ZNF385D: variants seen among roughly 807,000 people sequenced by gnomAD.
The protein encoded by ZNF385D is zinc finger protein 659.
In ZNF385D, 15 loss-of-function variants were observed where a neutral mutation model predicts 35.8. The ratio of observed to expected loss-of-function variants is 0.42; its 90% CI spans 0.28 to 0.64. ZNF385D has a LOEUF of 0.64. ZNF385D is among the 30% of genes least tolerant of loss of function. The pLI, the probability that ZNF385D is intolerant of heterozygous loss-of-function variation, is 0.23. For missense variants in ZNF385D, 474 were observed against 494.6 expected (o/e 0.96, Z 0.39); for synonymous variants, 212 against 186.8 (o/e 1.13, Z -1.10).
intron 1 of ZNF385D, among the ~76,000 whole-genome samples, chr3:21,742,713 CTCTT>C (rs2069578050): frequency 2.6e-5 from 4 of 152,170 alleles, no homozygotes; most frequent in African/African-American, 4.8e-5. Flanking sequence ...TCAGGAGTCT[CTCTT>C]GTGTTTCCAT....
At chr3:22,320,153 GTCTTAGAGAAAACCCGTGTGTTCATC>G (rs1370632407) in intron 2 of ZNF385D, among the ~76,000 whole-genome samples, 1 of 151,572 alleles carries the variant, frequency 6.6e-6, no homozygotes, top group Non-Finnish European at 1.5e-5. Flanking sequence ...CACCAATAAG[GTCTTAGAGAAAACCCGTGTGTTCATC>G]TCCCACCCTA....
intron 3 of ZNF385D, among the ~76,000 whole-genome samples, chr3:22,084,013 T>C (rs1455896492): frequency 6.6e-6 from 1 of 152,116 alleles, no homozygotes; most frequent in Non-Finnish European, 1.5e-5. Context: ...AATAAAATAC[T>C]TTACAGACAA....
intron 3 of ZNF385D, among the ~76,000 whole-genome samples, chr3:21,946,309 A>G (rs11708742): frequency 0.12 from 18,159 of 152,172 alleles, 1,439 homozygotes; most frequent in South Asian, 0.26. Flanking sequence ...TACACAAAAC[A>G]TTTTTATGTA....
intron 3 of ZNF385D, among the ~76,000 whole-genome samples, chr3:22,166,654 A>G (rs1380365486): frequency 6.6e-6 from 1 of 152,248 alleles, no homozygotes; most frequent in Non-Finnish European, 1.5e-5. Flanking sequence ...AACTGTACTG[A>G]TATGATTGTT....
chr3:22,089,402 C>A (rs934110535), intron 3 of ZNF385D, among the ~76,000 whole-genome samples: 1 of 152,166 alleles, frequency 6.6e-6, no homozygotes, highest in Non-Finnish European at 1.5e-5. Context: ...GTAGAGGGCA[C>A]TAAAAGGACG....
At chr3:21,692,699 C>A (rs1197530671) in intron 1 of ZNF385D, among the ~76,000 whole-genome samples, 1 of 152,236 alleles carries the variant, frequency 6.6e-6, no homozygotes, top group African/African-American at 2.4e-5. Context: ...TGCATGTCTT[C>A]ATTCGTCTTC....
intron 3 of ZNF385D, among the ~76,000 whole-genome samples, chr3:22,039,233 T>C (rs1219306378): frequency 6.9e-6 from 1 of 145,572 alleles, no homozygotes; most frequent in Non-Finnish European, 1.5e-5. Flanking sequence ...ATAAACACTG[T>C]TGATTTGGCT....
chr3:21,908,541 G>A (rs193227652), intron 3 of ZNF385D, among the ~76,000 whole-genome samples: 1 of 152,214 alleles, frequency 6.6e-6, no homozygotes, highest in East Asian at 1.9e-4. Flanking sequence ...GCCTCAAACT[G>A]AGGCTGAGGG....
At chr3:21,911,248 T>G (rs1283037020) in intron 3 of ZNF385D, among the ~76,000 whole-genome samples, 3 of 151,998 alleles carry the variant, frequency 2.0e-5, no homozygotes, top group Non-Finnish European at 4.4e-5. Context: ...AAGGTTTTTA[T>G]GAGAGTCCAT....
intron 3 of ZNF385D, among the ~76,000 whole-genome samples, chr3:21,845,770 G>C (rs1415277727): frequency 6.6e-6 from 1 of 152,014 alleles, no homozygotes; most frequent in Non-Finnish European, 1.5e-5. Context: ...CGTGGTTAAT[G>C]AGAGCTTCTA....
intron 3 of ZNF385D, among the ~76,000 whole-genome samples, chr3:22,028,116 G>A (rs1697681598): frequency 6.6e-6 from 1 of 152,322 alleles, no homozygotes; most frequent in South Asian, 2.1e-4. Flanking sequence ...CAGGGACTTG[G>A]AAGAAGCATG....
chr3:22,083,108 C>A (rs1436113301), intron 3 of ZNF385D, among the ~76,000 whole-genome samples: 1 of 152,122 alleles, frequency 6.6e-6, no homozygotes, highest in Non-Finnish European at 1.5e-5. Flanking sequence ...TAGATAAAAC[C>A]ACGAAGATGG....
At chr3:22,094,885 T>C (rs1281921821) in intron 3 of ZNF385D, among the ~76,000 whole-genome samples, 1 of 152,060 alleles carries the variant, frequency 6.6e-6, no homozygotes, top group Non-Finnish European at 1.5e-5. Context: ...ATTATCCTTT[T>C]TCCTTTCTAT....
At chr3:21,890,527 G>T (rs144249786) in intron 3 of ZNF385D, among the ~76,000 whole-genome samples, 2,934 of 152,226 alleles carry the variant, frequency 0.019, 104 homozygotes, top group African/African-American at 0.067. Context: ...GCTGAGGCAG[G>T]AGAATTGCTG....
chr3:21,767,743 T>A (rs1366747980), intron 3 of ZNF385D, among the ~76,000 whole-genome samples: 3 of 151,990 alleles, frequency 2.0e-5, no homozygotes, highest in African/African-American at 7.2e-5. Context: ...GGATTATATA[T>A]TGTGATATGA....
At chr3:22,030,487 G>C (rs999804756) in intron 3 of ZNF385D, among the ~76,000 whole-genome samples, 9 of 150,952 alleles carry the variant, frequency 6.0e-5, no homozygotes, top group Non-Finnish European at 1.3e-4. Flanking sequence ...GACACAGAGA[G>C]AGAAAGAGAG....
intron 2 of ZNF385D, among the ~76,000 whole-genome samples, chr3:22,332,473 T>C (rs1451209463): frequency 6.6e-6 from 1 of 152,100 alleles, no homozygotes; most frequent in Non-Finnish European, 1.5e-5. Flanking sequence ...GAAGGCATGG[T>C]GGTTATGAAT....
At chr3:21,561,700 T>A (rs1237884530) in intron 3 of ZNF385D, among the ~76,000 whole-genome samples, 2 of 152,164 alleles carry the variant, frequency 1.3e-5, no homozygotes, top group Non-Finnish European at 2.9e-5. Context: ...TTGGGGAATG[T>A]CCAGATGGTG....
chr3:21,900,123 A>C (rs1264999620), intron 3 of ZNF385D, among the ~76,000 whole-genome samples: 1 of 152,198 alleles, frequency 6.6e-6, no homozygotes, highest in African/African-American at 2.4e-5. Flanking sequence ...TGTTCAACCT[A>C]ACAAAAATCA....
Sources: allele counts gnomAD v4.1 joint callset (sites outside exome capture counted in the v4.1 genomes callset), GRCh38; gene constraint gnomAD v4.1.1; transcripts MANE v1.5; gene names NCBI Gene and HGNC (gene_info 2026-07-23, HGNC 2026-07-21).